SPOCK3: variants seen among roughly 807,000 people sequenced by gnomAD.
SPOCK3 encodes testican-3.
A neutral mutation model predicts 56.6 loss-of-function variants in SPOCK3; 30 were observed. The ratio of observed to expected loss-of-function variants is 0.53; its 90% CI spans 0.40 to 0.72. SPOCK3 has a LOEUF of 0.72. SPOCK3 is among the 30% of genes least tolerant of loss of function. The probability of loss-of-function intolerance (pLI) is 0.00; values close to 1 mark genes in which losing one functional copy is unlikely to be tolerated. For synonymous variants in SPOCK3, 196 were observed against 183.3 expected, an observed-to-expected ratio of 1.07 and a Z score of -0.56; for missense variants, 527 against 530.0, an observed-to-expected ratio of 0.99 and a Z score of 0.06.
rs10007159 is a variant in SPOCK3, at chr4:166,745,467, T to C, written c.932-3408A>G. Among the ~76,000 whole-genome samples the C allele has an allele frequency of 9.7e-3, 1,472 of 152,246 alleles. 26 individuals carry two copies. The highest frequency in any genetic ancestry group is 0.034 in the African/African-American group (1,392 of 41,550). On this transcript the variant is annotated intron_variant, in intron 8 of 10. Transcript: ENST00000357545. ...GGATTTTCTCACCACCAGGCCTGCC[T>C]TATAAGAGCTCCTGAAGAAAGCACT...
intron 6 of SPOCK3, among the ~76,000 whole-genome samples, chr4:166,804,650 G>T (rs1742965481): frequency 6.6e-6 from 1 of 152,076 alleles, no homozygotes; most frequent in Admixed American, 6.6e-5. Flanking sequence ...TGTGCTTCTT[G>T]TGGAATCTTA....
rs1735446082 is a variant in SPOCK3, at chr4:166,745,269, A to C, written c.932-3210T>G. 7.3e-5 allele frequency among the ~76,000 whole-genome samples: 5 copies of C among 68,680 alleles called. No individual in the cohort carries two copies. In the East Asian group the frequency reaches 2.2e-3, roughly 31 times the overall value. The allele number at this position is 68,680 out of a possible 152,430, so 45.1% of individuals were successfully genotyped here. ...TCGGGTTACCCACAAAGGGAAGCCCATCAGACTAACAGCGGATCTCTCAGC... is the reference window on the plus strand; with the variant it reads ...TCGGGTTACCCACAAAGGGAAGCCCCTCAGACTAACAGCGGATCTCTCAGC... On this transcript the variant is annotated intron_variant, in intron 8 of 10. Coordinates refer to ENST00000357545, the MANE Select transcript of SPOCK3 (RefSeq NM_001040159.2).
chr4:167,164,724 G>C (rs182320050), intron 2 of SPOCK3, among the ~76,000 whole-genome samples: 58 of 152,112 alleles, frequency 3.8e-4, no homozygotes, highest in African/African-American at 1.3e-3. Context: ...AGTTTGCTGA[G>C]AATGACGGCT....
chr4:167,122,365 G>A (rs1761944236), intron 2 of SPOCK3, among the ~76,000 whole-genome samples: 1 of 152,066 alleles, frequency 6.6e-6, no homozygotes, highest in Non-Finnish European at 1.5e-5. Context: ...GCCCAAGCTG[G>A]TCTAGAACTC....
At chr4:167,227,614 AAGAAT>A (rs1271523464) in intron 2 of SPOCK3, among the ~76,000 whole-genome samples, 10 of 152,270 alleles carry the variant, frequency 6.6e-5, no homozygotes, top group African/African-American at 2.2e-4. Flanking sequence ...AAGAGGTAGA[AAGAAT>A]AGAAAAGATG....
chr4:167,022,872 G>A (rs1751328858), intron 3 of SPOCK3, among the ~76,000 whole-genome samples: 1 of 151,916 alleles, frequency 6.6e-6, no homozygotes, highest in Admixed American at 6.6e-5. Context: ...ATATGTAGAT[G>A]ATCCTCCAGG....
At chr4:166,948,036 C>A (rs1445134816) in intron 4 of SPOCK3, among the ~76,000 whole-genome samples, 1 of 152,120 alleles carries the variant, frequency 6.6e-6, no homozygotes, top group Non-Finnish European at 1.5e-5. Flanking sequence ...ACCACTTTCC[C>A]CAGCCTTTAG....
chr4:166,736,379 A>C (rs1379652772), intron 10 of SPOCK3, among the ~76,000 whole-genome samples: 1 of 152,096 alleles, frequency 6.6e-6, no homozygotes, highest in Non-Finnish European at 1.5e-5. Context: ...ACACATTACA[A>C]AGATGTGTTC....
intron 6 of SPOCK3, among the ~76,000 whole-genome samples, chr4:166,800,835 T>C (rs974084327): frequency 1.3e-5 from 2 of 152,176 alleles, no homozygotes; most frequent in Admixed American, 6.5e-5. Flanking sequence ...GAGTCTACAG[T>C]AGTGTCTTAG....
chr4:166,927,505 T>G (rs1341176264), intron 4 of SPOCK3, among the ~76,000 whole-genome samples: 1 of 152,188 alleles, frequency 6.6e-6, no homozygotes, highest in Non-Finnish European at 1.5e-5. Flanking sequence ...CACTCTCAGG[T>G]ATGTCTTTAT....
At chr4:167,205,299 A>AAT (rs1733996972) in intron 2 of SPOCK3, among the ~76,000 whole-genome samples, 1 of 42,476 alleles carries the variant, frequency 2.4e-5, no homozygotes, top group Non-Finnish European at 4.3e-5. Flanking sequence ...TTATATCTAT[A>AAT]ATATATATTA....
intron 6 of SPOCK3, among the ~76,000 whole-genome samples, chr4:166,877,432 T>C (rs1406198479): frequency 2.0e-5 from 3 of 151,986 alleles, no homozygotes; most frequent in African/African-American, 7.2e-5. Flanking sequence ...TTACAGAAAA[T>C]AAAAGCAATT....
rs567024058 is a variant in SPOCK3 at position 166,940,602 on chromosome 4, T to C, written c.351-27859A>G. Among the ~76,000 whole-genome samples the C allele has an allele frequency of 2.6e-5, 4 of 151,702 alleles. No homozygotes were observed. In the South Asian group the frequency reaches 6.3e-4, roughly 24 times the overall value. ...TGTCCTCAAACTGACCCTTTGCTCATTGTAATAATAAAAAACCCCTAGGAA... is the reference window on the plus strand; with the variant it reads ...TGTCCTCAAACTGACCCTTTGCTCACTGTAATAATAAAAAACCCCTAGGAA... On this transcript the variant is annotated intron_variant, in intron 4 of 10. Transcript: ENST00000357545.
chr4:166,905,509 T>C (rs994345082), intron 5 of SPOCK3, among the ~76,000 whole-genome samples: 5 of 152,016 alleles, frequency 3.3e-5, no homozygotes, highest in East Asian at 1.9e-4. Context: ...TTAAGCACTA[T>C]TAAAACTTTT....
At chr4:166,809,258 C>T (rs1324050576) in intron 6 of SPOCK3, among the ~76,000 whole-genome samples, 1 of 151,782 alleles carries the variant, frequency 6.6e-6, no homozygotes, top group African/African-American at 2.4e-5. Flanking sequence ...TTTTGATCCC[C>T]CTACTATTCT....
intron 4 of SPOCK3, among the ~76,000 whole-genome samples, chr4:166,913,798 C>G (rs2127103630): frequency 6.6e-6 from 1 of 152,124 alleles, no homozygotes; most frequent in East Asian, 1.9e-4. Context: ...CTCTCTCTCT[C>G]AAAGATTTTC....
chr4:167,119,752 C>T, intron 2 of SPOCK3: 2 of 1,340,118 alleles, frequency 1.5e-6, no homozygotes, highest in Non-Finnish European at 2.1e-6. Context: ...TACTCTGCTA[C>T]CCACTATTTC....
intron 4 of SPOCK3, among the ~76,000 whole-genome samples, chr4:166,913,203 A>T (rs1737464775): frequency 6.6e-6 from 1 of 152,166 alleles, no homozygotes; most frequent in Non-Finnish European, 1.5e-5. Context: ...AAAGAATTAC[A>T]ATTTTCCAGG....
At chr4:166,893,128 AACATCTTACAATGCAAAGG>A (rs1428414516) in intron 5 of SPOCK3, among the ~76,000 whole-genome samples, 2 of 152,112 alleles carry the variant, frequency 1.3e-5, no homozygotes, top group Admixed American at 1.3e-4. Context: ...AATGCTGCTA[AACATCTTACAATGCAAAGG>A]ACAACCCCCC....
Sources: gnomAD v4.1 joint callset for allele counts (sites outside exome capture counted in the v4.1 genomes callset) on GRCh38, gnomAD v4.1.1 for gene constraint, MANE v1.5 for transcripts, NCBI Gene and HGNC (gene_info 2026-07-23, HGNC 2026-07-21) for gene names.